Variants in CDH8 observed in about 807,000 individuals in gnomAD.
The protein encoded by CDH8 is cadherin-8.
A neutral mutation model predicts 68.1 loss-of-function variants in CDH8; 17 were observed. That is an observed-to-expected ratio of 0.25 (90% CI 0.17 to 0.37). The LOEUF (loss-of-function observed/expected upper bound fraction) is 0.37, where lower values mean the gene tolerates loss of function less well. CDH8 is among the 10% of genes least tolerant of loss of function. CDH8 has a pLI of 1.00. For missense variants in CDH8, 763 were observed against 999.3 expected (o/e 0.76, Z 3.19); for synonymous variants, 372 against 365.1 (o/e 1.02, Z -0.21).
chr16:61,796,170 G>T (rs1391638923), intron 7 of CDH8, among the ~76,000 whole-genome samples: 1 of 151,850 alleles, frequency 6.6e-6, no homozygotes, highest in Admixed American at 6.6e-5. Flanking sequence ...ATAAAAAAGG[G>T]AATAGATAAG....
rs901558354 is a variant in CDH8 at position 61,869,394 on chromosome 16, G to A, written c.548-12156C>T. Among the ~76,000 whole-genome samples, 8 of 152,074 alleles carry A rather than the reference G, an allele frequency of 5.3e-5. No homozygotes were observed. The East Asian group carries it at 1.5e-3, about 29-fold the overall frequency. On this transcript the variant is annotated intron_variant, in intron 3 of 11. Coordinates refer to ENST00000577390, the MANE Select transcript of CDH8 (RefSeq NM_001796.5). ...GACCTGCTACTAGGGAAAGGTGGAG[G>A]GCAGGTTGGAGGTATGTAAAGGAAA...
Position 61,682,098 on chromosome 16 carries a change from A to G in CDH8, c.1655-26377T>C, listed in dbSNP as rs1163275027. Among the ~76,000 whole-genome samples, 5 of 151,924 alleles carry G rather than the reference A, an allele frequency of 3.3e-5. No individual in the cohort carries two copies. The South Asian group carries it at 8.3e-4, about 25-fold the overall frequency. On this transcript the variant is annotated intron_variant, in intron 10 of 11. Transcript: ENST00000577390. ...TTCAACTTACTCTTCTATAACAAAAAAAGATAATATTCAATCTTTTTTTCT... is the reference window on the plus strand; with the variant it reads ...TTCAACTTACTCTTCTATAACAAAAGAAGATAATATTCAATCTTTTTTTCT...
intron 8 of CDH8, among the ~76,000 whole-genome samples, chr16:61,777,010 G>C (rs1241007793): frequency 6.6e-6 from 1 of 152,028 alleles, no homozygotes; most frequent in Non-Finnish European, 1.5e-5. Flanking sequence ...ACCACAGAGA[G>C]AAATTGAGTA....
intron 2 of CDH8, among the ~76,000 whole-genome samples, chr16:61,918,049 A>G (rs1034173000): frequency 3.7e-5 from 4 of 108,114 alleles, no homozygotes; most frequent in South Asian, 3.8e-4. Context: ...CCACCTTAGT[A>G]CCAATCAACA....
intron 2 of CDH8, among the ~76,000 whole-genome samples, chr16:61,928,404 G>T (rs1964488200): frequency 6.6e-6 from 1 of 152,134 alleles, no homozygotes; most frequent in African/African-American, 2.4e-5. Flanking sequence ...AAGAAACCTT[G>T]TCAGCTCTAA....
At chr16:61,782,562 A>T (rs1266245693) in intron 8 of CDH8, among the ~76,000 whole-genome samples, 1 of 151,928 alleles carries the variant, frequency 6.6e-6, no homozygotes, top group African/African-American at 2.4e-5. Flanking sequence ...AGCAGCCAGG[A>T]AGCTCGAACT....
chr16:61,993,993 G>A (rs1474620005), intron 2 of CDH8, among the ~76,000 whole-genome samples: 3 of 152,090 alleles, frequency 2.0e-5, no homozygotes, highest in African/African-American at 7.2e-5. Flanking sequence ...AAAATCTTCA[G>A]TGTCTGGCCC....
At chr16:61,702,270 G>A (rs561881419) in intron 10 of CDH8, among the ~76,000 whole-genome samples, 1 of 152,306 alleles carries the variant, frequency 6.6e-6, no homozygotes, top group South Asian at 2.1e-4. Context: ...TACTTAGGAG[G>A]CTGAGGCAGG....
At position 61,652,696 on chromosome 16, in the gene CDH8, A is replaced by T; in HGVS notation, c.*912T>A. On this transcript the variant is annotated 3_prime_UTR_variant, in exon 12 of 12. Transcript: ENST00000577390. ...GATATAATTTAGTTTTTTCCCATAT[A>T]TCCCCTTAATCTATAGATTACCGAC... The T allele has an allele frequency of 8.1e-7, 1 of 1,241,252 alleles. No individual in the cohort carries two copies. Among genetic ancestry groups the T allele is most frequent in the Non-Finnish European group, 1.0e-6 (1 of 985,766 alleles). The allele number at this position is 1,241,252 out of a possible 1,614,324, so 76.9% of individuals were successfully genotyped here.
chr16:62,000,199 C>A (rs1406332405), intron 2 of CDH8, among the ~76,000 whole-genome samples: 1 of 152,158 alleles, frequency 6.6e-6, no homozygotes, highest in Non-Finnish European at 1.5e-5. Flanking sequence ...TCCAGTCTAT[C>A]ATTGATAAGC....
chr16:61,807,683 A>C (rs1287356513), intron 7 of CDH8, among the ~76,000 whole-genome samples: 1 of 152,142 alleles, frequency 6.6e-6, no homozygotes, highest in Non-Finnish European at 1.5e-5. Context: ...GGTCCATCTC[A>C]GTTTCAGAAA....
rs533887405 is a variant in CDH8 at position 61,777,498 on chromosome 16, G to A, written c.1414+11848C>T. 2.1e-4 allele frequency among the ~76,000 whole-genome samples: 32 copies of A among 152,214 alleles called. 1 individual carries two copies. In the South Asian group the frequency reaches 6.4e-3, roughly 31 times the overall value. On this transcript the variant is annotated intron_variant, in intron 8 of 11. Transcript: ENST00000577390. ...GCGTCTTATCTACTCTTATTTTTGA[G>A]CTTAGGACTGGGAGGCTATTAATCA...
chr16:61,679,114 T>A (rs1009163409), intron 10 of CDH8, among the ~76,000 whole-genome samples: 1 of 152,044 alleles, frequency 6.6e-6, no homozygotes, highest in Non-Finnish European at 1.5e-5. Context: ...ACGTACGTCA[T>A]TTCCAGGCTA....
At chr16:61,942,929 C>A (rs1964746155) in intron 2 of CDH8, among the ~76,000 whole-genome samples, 1 of 151,994 alleles carries the variant, frequency 6.6e-6, no homozygotes, top group Non-Finnish European at 1.5e-5. Context: ...AAAAAGTGGT[C>A]CATGCCTGTA....
chr16:61,904,125 T>G (rs905748253), intron 2 of CDH8, among the ~76,000 whole-genome samples: 1 of 152,130 alleles, frequency 6.6e-6, no homozygotes, highest in Non-Finnish European at 1.5e-5. Flanking sequence ...CACACAGACA[T>G]GTACATACTC....
chr16:61,770,820 G>C (rs148519355), intron 8 of CDH8, among the ~76,000 whole-genome samples: 2 of 152,020 alleles, frequency 1.3e-5, no homozygotes, highest in East Asian at 3.9e-4. Flanking sequence ...AAACTTCACC[G>C]CCAGGCCAGG....
intron 7 of CDH8, among the ~76,000 whole-genome samples, chr16:61,792,588 T>C (rs1961404210): frequency 6.6e-6 from 1 of 151,942 alleles, no homozygotes; most frequent in Admixed American, 6.6e-5. Context: ...TCTTATATAA[T>C]GAATAACAGA....
At chr16:61,764,315 A>C (rs1960537252) in intron 8 of CDH8, among the ~76,000 whole-genome samples, 1 of 152,108 alleles carries the variant, frequency 6.6e-6, no homozygotes, top group African/African-American at 2.4e-5. Flanking sequence ...GAAAATGAAT[A>C]GAAGGAGGTC....
chr16:61,717,869 C>A (rs1964760274), intron 9 of CDH8, among the ~76,000 whole-genome samples: 1 of 151,378 alleles, frequency 6.6e-6, no homozygotes, highest in South Asian at 2.1e-4. Context: ...CATCATTTAT[C>A]CTCACAATAC....
Sources: allele counts gnomAD v4.1 joint callset (sites outside exome capture counted in the v4.1 genomes callset), GRCh38; gene constraint gnomAD v4.1.1; transcripts MANE v1.5; gene names NCBI Gene and HGNC (gene_info 2026-07-23, HGNC 2026-07-21).